The following PTPRD variants were observed in gnomAD, a reference collection of about 807,000 sequenced individuals.
The protein encoded by PTPRD is receptor-type tyrosine-protein phosphatase delta.
A neutral mutation model predicts 214.5 loss-of-function variants in PTPRD; 34 were observed. That is an observed-to-expected ratio of 0.16 (90% CI 0.12 to 0.21). PTPRD has a LOEUF of 0.21. PTPRD is among the 10% of genes least tolerant of loss of function. The probability of loss-of-function intolerance (pLI) is 1.00; values close to 1 mark genes in which losing one functional copy is unlikely to be tolerated. For missense variants in PTPRD, 2,545 were observed against 2,398.7 expected (o/e 1.06, Z -1.27); for synonymous variants, 1,128 against 845.7 (o/e 1.33, Z -5.79).
intron 12 of PTPRD, among the ~76,000 whole-genome samples, chr9:8,712,595 A>G (rs1216500212): frequency 6.6e-6 from 1 of 152,190 alleles, no homozygotes; most frequent in Non-Finnish European, 1.5e-5. Flanking sequence ...AAATACAGCA[A>G]TTTTACAGGT....
intron 3 of PTPRD, among the ~76,000 whole-genome samples, chr9:10,041,961 T>C (rs1589553433): frequency 6.6e-6 from 1 of 152,054 alleles, no homozygotes; most frequent in Admixed American, 6.6e-5. Flanking sequence ...CTGGAATGTA[T>C]TCCTAGCTGA....
intron 6 of PTPRD, among the ~76,000 whole-genome samples, chr9:9,743,415 A>T (rs2098424263): frequency 6.6e-6 from 1 of 152,118 alleles, no homozygotes; most frequent in South Asian, 2.1e-4. Context: ...AGATCTAATT[A>T]CCTAGCTCAG....
chr9:8,430,295 G>C (rs2094955726), intron 35 of PTPRD, among the ~76,000 whole-genome samples: 2 of 150,932 alleles, frequency 1.3e-5, no homozygotes, highest in South Asian at 2.1e-4. Context: ...TTTCAGACAG[G>C]GTCTCCCTCT....
intron 3 of PTPRD, among the ~76,000 whole-genome samples, chr9:10,164,006 A>C (rs2099144105): frequency 6.6e-6 from 1 of 151,514 alleles, no homozygotes; most frequent in Non-Finnish European, 1.5e-5. Context: ...ACACACACCT[A>C]GACCCAGAAT....
At chr9:9,668,396 A>T (rs181117483) in intron 7 of PTPRD, among the ~76,000 whole-genome samples, 2 of 152,150 alleles carry the variant, frequency 1.3e-5, no homozygotes, top group Non-Finnish European at 2.9e-5. Flanking sequence ...CAAAGTCTAA[A>T]TTAGGCCTGA....
At chr9:8,736,693 G>C (rs2090489841) in intron 11 of PTPRD, among the ~76,000 whole-genome samples, 1 of 151,570 alleles carries the variant, frequency 6.6e-6, no homozygotes. Flanking sequence ...CATTCTATTA[G>C]ATAGTCTCCT....
At chr9:9,709,120 A>C (rs2097679995) in intron 7 of PTPRD, among the ~76,000 whole-genome samples, 1 of 152,004 alleles carries the variant, frequency 6.6e-6, no homozygotes, top group Non-Finnish European at 1.5e-5. Context: ...TTATAAGGTA[A>C]GAACTTGTGG....
At chr9:9,497,541 C>T (rs1569568825) in intron 8 of PTPRD, among the ~76,000 whole-genome samples, 4 of 152,056 alleles carry the variant, frequency 2.6e-5, no homozygotes, top group African/African-American at 7.2e-5. Flanking sequence ...AATTATTTCA[C>T]AATTAAAATA....
intron 2 of PTPRD, among the ~76,000 whole-genome samples, chr9:10,429,235 G>A (rs868788716): frequency 6.6e-6 from 1 of 151,930 alleles, no homozygotes; most frequent in Non-Finnish European, 1.5e-5. Context: ...CTGTTGGTAG[G>A]AATGTAAATT....
chr9:9,461,930 T>C (rs1202769030), intron 8 of PTPRD, among the ~76,000 whole-genome samples: 2 of 152,174 alleles, frequency 1.3e-5, no homozygotes, highest in Non-Finnish European at 2.9e-5. Flanking sequence ...TATATTTAAA[T>C]TGGGACTTCT....
Position 8,316,921 on chromosome 9 carries a change from TTG to T in PTPRD, c.*951_*952del. The T allele has an allele frequency of 4.3e-6, 1 of 231,492 alleles. No individual in the cohort carries two copies. The highest frequency in any genetic ancestry group is 5.6e-5 in the Admixed American group (1 of 17,724). The allele number at this position is 231,492 out of a possible 1,614,324, so 14.3% of individuals were successfully genotyped here. Reference sequence around the variant, plus strand: ...ACTGACTGATAACTGTATCTATTTTTTGTGTGGACACACTGTCTATATATACA... The same window carrying T: ...ACTGACTGATAACTGTATCTATTTTTTGTGGACACACTGTCTATATATACA... On this transcript the variant is annotated 3_prime_UTR_variant, in exon 46 of 46. Coordinates refer to ENST00000381196, the MANE Select transcript of PTPRD (RefSeq NM_002839.4).
At chr9:8,419,011 G>A (rs1363460933) in intron 35 of PTPRD, among the ~76,000 whole-genome samples, 1 of 151,920 alleles carries the variant, frequency 6.6e-6, no homozygotes, top group East Asian at 1.9e-4. Context: ...CTTGAGGCAG[G>A]AGTTCGAGAC....
At chr9:10,468,195 T>G (rs777984284) in intron 2 of PTPRD, among the ~76,000 whole-genome samples, 1 of 152,162 alleles carries the variant, frequency 6.6e-6, no homozygotes, top group Non-Finnish European at 1.5e-5. Context: ...TAAAGACACA[T>G]GCACATATAT....
At chr9:9,984,893 G>A (rs955293639) in intron 4 of PTPRD, among the ~76,000 whole-genome samples, 17 of 152,094 alleles carry the variant, frequency 1.1e-4, no homozygotes, top group Non-Finnish European at 1.5e-4. Flanking sequence ...GACCAACCAT[G>A]CACACCCAAA....
At chr9:9,377,508 C>T (rs1465302504) in intron 9 of PTPRD, among the ~76,000 whole-genome samples, 4 of 152,072 alleles carry the variant, frequency 2.6e-5, no homozygotes, top group African/African-American at 4.8e-5. Context: ...ATATATACAA[C>T]TCTGTAAGTT....
At chr9:9,321,666 T>C (rs1405437955) in intron 9 of PTPRD, among the ~76,000 whole-genome samples, 1 of 152,188 alleles carries the variant, frequency 6.6e-6, no homozygotes, top group Admixed American at 6.6e-5. Flanking sequence ...CTTCAGAGAT[T>C]GACCATTTTC....
intron 4 of PTPRD, among the ~76,000 whole-genome samples, chr9:9,969,396 G>C (rs1438867847): frequency 6.6e-6 from 1 of 152,108 alleles, no homozygotes; most frequent in Non-Finnish European, 1.5e-5. Flanking sequence ...CCCTTGAAAG[G>C]TTTTAATCAA....
intron 7 of PTPRD, among the ~76,000 whole-genome samples, chr9:9,623,409 C>A (rs895281540): frequency 6.6e-6 from 1 of 152,146 alleles, no homozygotes; most frequent in South Asian, 2.1e-4. Flanking sequence ...AGATGCCGTG[C>A]TATTCAGAAG....
At chr9:8,436,754 A>T in intron 34 of PTPRD, 65 bp from the exon 35 acceptor site, 1 of 1,223,174 alleles carries the variant, frequency 8.2e-7, no homozygotes, top group Non-Finnish European at 1.2e-6. Flanking sequence ...ACTATTCCAA[A>T]ATATAGAGAA....
Sources: allele counts gnomAD v4.1 joint callset (sites outside exome capture counted in the v4.1 genomes callset), GRCh38; gene constraint gnomAD v4.1.1; transcripts MANE v1.5; gene names NCBI Gene and HGNC (gene_info 2026-07-23, HGNC 2026-07-21).